Variants in CASD1 observed in about 807,000 individuals in gnomAD.
CASD1 encodes the protein N-acetylneuraminate (7)9-O-acetyltransferase.
A neutral mutation model predicts 100.0 loss-of-function variants in CASD1; 41 were observed. The observed-to-expected ratio is 0.41, with a 90% CI of 0.32 to 0.53. CASD1 has a LOEUF of 0.53. Among genes scored for constraint, CASD1 ranks in the 20% least tolerant of loss-of-function variants. The probability of loss-of-function intolerance (pLI) is 0.25; values close to 1 mark genes in which losing one functional copy is unlikely to be tolerated. For synonymous variants in CASD1, 321 were observed against 315.6 expected (o/e 1.02, Z -0.18); for missense variants, 774 against 948.7 (o/e 0.82, Z 2.42).
intron 10 of CASD1, among the ~76,000 whole-genome samples, chr7:94,541,255 G>T (rs1221526148): frequency 4.0e-5 from 6 of 151,778 alleles, no homozygotes; most frequent in Non-Finnish European, 8.8e-5. Context: ...GGGATTACTC[G>T]TACTAAAAAC....
rs117114249 is a variant in CASD1 at position 94,556,098 on chromosome 7, A to T, written c.*340A>T. The T allele has an allele frequency of 1.7e-5, 3 of 180,494 alleles. No homozygotes were observed. In the East Asian group the frequency reaches 4.4e-4, roughly 26 times the overall value. The allele number at this position is 180,494 out of a possible 1,614,324, so 11.2% of individuals were successfully genotyped here. The stretch of plus-strand genomic sequence containing the variant: ...ATTACCTTTCCAGTAAAAAGTATAG[A>T]TAATTTAATTAACTTAGTGACACCA... On this transcript the variant is annotated 3_prime_UTR_variant, in exon 18 of 18. Transcript: ENST00000297273.
Position 94,549,641 on chromosome 7 carries a change from A to G in CASD1, c.1815+7A>G. 1 of 1,576,216 alleles carries G rather than the reference A, an allele frequency of 6.3e-7. No homozygotes were observed. Among genetic ancestry groups the G allele is most frequent in the Non-Finnish European group, 8.6e-7 (1 of 1,156,186 alleles). ...ATGGAGGTTAGACCGTTATGTATGT[A>G]TTTACTTTGTGATATTTTGTCATTT... On this transcript the variant is annotated splice_region_variant and intron_variant, in intron 14 of 17. Coordinates refer to ENST00000297273, the MANE Select transcript of CASD1 (RefSeq NM_022900.5).
chr7:94,608,780 C>G, the CASD1 span, among the ~76,000 whole-genome samples: 1 of 152,134 alleles, frequency 6.6e-6, no homozygotes, highest in Admixed American at 6.5e-5. Flanking sequence ...TAAATCTATT[C>G]AACTAATCTG....
At chr7:94,601,100 T>G in the CASD1 span, among the ~76,000 whole-genome samples, 1 of 152,124 alleles carries the variant, frequency 6.6e-6, no homozygotes, top group Non-Finnish European at 1.5e-5. Context: ...TACATATACA[T>G]TTACATGTGT....
At position 94,555,782 on chromosome 7, in the gene CASD1, A is replaced by C. The variant is rs556826637; in HGVS notation, c.*24A>C. On this transcript the variant is annotated 3_prime_UTR_variant, in exon 18 of 18. Coordinates refer to ENST00000297273, the MANE Select transcript of CASD1 (RefSeq NM_022900.5). Reference sequence around the variant, plus strand: ...AGGTTCCAAAAATTCTAAAAAACCTAAACTCTTCAGGCTACCTTTGTGTGT... The same window carrying C: ...AGGTTCCAAAAATTCTAAAAAACCTCAACTCTTCAGGCTACCTTTGTGTGT... The C allele has an allele frequency of 7.2e-5, 115 of 1,600,682 alleles. 2 individuals are homozygous for C. In the South Asian group the frequency reaches 1.2e-3, roughly 16 times the overall value.
intron 3 of CASD1, among the ~76,000 whole-genome samples, chr7:94,521,377 T>A (rs1410447322): frequency 6.6e-6 from 1 of 152,156 alleles, no homozygotes; most frequent in East Asian, 1.9e-4. Context: ...AATGTTTGTA[T>A]AAAATAATAA....
At chr7:94,567,067 C>T in the CASD1 span, among the ~76,000 whole-genome samples, 2 of 152,028 alleles carry the variant, frequency 1.3e-5, no homozygotes, top group African/African-American at 2.4e-5. Flanking sequence ...CACACTTTCA[C>T]ATTTATTCTG....
chr7:94,611,703 G>A, the CASD1 span, among the ~76,000 whole-genome samples: 4 of 152,216 alleles, frequency 2.6e-5, no homozygotes, highest in East Asian at 7.7e-4. Flanking sequence ...TGAAATAAAA[G>A]TACAGCACAA....
the CASD1 span, chr7:94,588,691 G>A: frequency 1.9e-6 from 3 of 1,593,938 alleles, no homozygotes; most frequent in African/African-American, 1.3e-5. Context: ...GCACTCACCT[G>A]TAGTCTGCTG....
the CASD1 span, chr7:94,623,453 T>G: frequency 2.4e-5 from 26 of 1,083,126 alleles, no homozygotes; most frequent in Non-Finnish European, 3.6e-5. Context: ...TAAAATGAAA[T>G]TCATTAAGGA....
chr7:94,602,020 A>G, the CASD1 span, among the ~76,000 whole-genome samples: 3 of 152,196 alleles, frequency 2.0e-5, no homozygotes, highest in African/African-American at 7.2e-5. Flanking sequence ...CTTAACAGAT[A>G]AACAAAAATC....
At chr7:94,616,432 GTATGAA>G in the CASD1 span, among the ~76,000 whole-genome samples, 1 of 152,154 alleles carries the variant, frequency 6.6e-6, no homozygotes, top group African/African-American at 2.4e-5. Flanking sequence ...CTTCTGAAGT[GTATGAA>G]TATATTTTTA....
the CASD1 span, among the ~76,000 whole-genome samples, chr7:94,607,289 A>G: frequency 6.6e-6 from 1 of 152,184 alleles, no homozygotes; most frequent in Non-Finnish European, 1.5e-5. Flanking sequence ...AATACTTCCT[A>G]TCTCATTCTA....
rs1035104405 is a variant in CASD1, at chr7:94,510,049, C to G, written c.-36C>G. ...CTGCCCCTGTGCGGCGCCCCTTTCC[C>G]GCTCCGCCGCGCACTGTTGTCATGG... On this transcript the variant is annotated 5_prime_UTR_variant, in exon 1 of 18. Transcript: ENST00000297273. The G allele has an allele frequency of 5.4e-6, 8 of 1,475,002 alleles. No individual in the cohort carries two copies. In the East Asian group the frequency reaches 8.7e-5, roughly 16 times the overall value. The allele number at this position is 1,475,002 out of a possible 1,614,324, so 91.4% of individuals were successfully genotyped here.
chr7:94,627,803 C>G, the CASD1 span: 3 of 199,148 alleles, frequency 1.5e-5, no homozygotes, highest in South Asian at 2.6e-4. Context: ...TCCCTAAGCA[C>G]CTATCACAAT....
chr7:94,511,091 T>C (rs1163711751), intron 1 of CASD1, among the ~76,000 whole-genome samples: 1 of 152,218 alleles, frequency 6.6e-6, no homozygotes, highest in East Asian at 1.9e-4. Context: ...GCTGATTGAT[T>C]GTTTTTTTTC....
chr7:94,547,565 A>C (rs1584428078), intron 13 of CASD1, among the ~76,000 whole-genome samples: 1 of 151,928 alleles, frequency 6.6e-6, no homozygotes, highest in South Asian at 2.1e-4. Flanking sequence ...AACTACATAG[A>C]GTAAAATTTT....
chr7:94,536,068 C>A (rs1013275938), intron 8 of CASD1, among the ~76,000 whole-genome samples: 1 of 152,038 alleles, frequency 6.6e-6, no homozygotes, highest in African/African-American at 2.4e-5. Context: ...CATGGGGAAA[C>A]CCCATCTCTA....
At chr7:94,600,868 A>G in the CASD1 span, 3 of 1,593,458 alleles carry the variant, frequency 1.9e-6, no homozygotes, top group African/African-American at 4.0e-5. Flanking sequence ...CTGATATAAA[A>G]GAAGACAATT....
Sources: allele counts gnomAD v4.1 joint callset (sites outside exome capture counted in the v4.1 genomes callset), GRCh38; gene constraint gnomAD v4.1.1; transcripts MANE v1.5; gene names NCBI Gene and HGNC (gene_info 2026-07-23, HGNC 2026-07-21).